The following ASIC2 variants were observed in gnomAD, a reference collection of about 807,000 sequenced individuals.
The protein encoded by ASIC2 is acid sensing ion channel subunit 2.
ASIC2 carries 25 observed loss-of-function variants against 57.3 expected under a neutral mutation model. The ratio of observed to expected loss-of-function variants is 0.44; its 90% confidence interval spans 0.32 to 0.61. ASIC2 has a LOEUF of 0.61. Among genes scored for constraint, ASIC2 ranks in the 20% least tolerant of loss-of-function variants. ASIC2 has a pLI of 0.06. For missense variants in ASIC2, 641 were observed against 738.1 expected, an observed-to-expected ratio of 0.87 and a Z score of 1.52; for synonymous variants, 319 against 307.5, an observed-to-expected ratio of 1.04 and a Z score of -0.39.
At chr17:34,088,932 C>G (rs925486859) in intron 1 of ASIC2, among the ~76,000 whole-genome samples, 1 of 152,168 alleles carries the variant, frequency 6.6e-6, no homozygotes, top group Non-Finnish European at 1.5e-5. Flanking sequence ...TTCCAGGTGC[C>G]GTCTGTCACC....
intron 1 of ASIC2, among the ~76,000 whole-genome samples, chr17:33,136,331 C>A (rs1212249116): frequency 6.6e-6 from 1 of 152,102 alleles, no homozygotes; most frequent in East Asian, 1.9e-4. Flanking sequence ...GTTATACGGT[C>A]CAGAGGTCTA....
chr17:33,113,350 G>A (rs897335574), intron 1 of ASIC2, among the ~76,000 whole-genome samples: 11 of 152,194 alleles, frequency 7.2e-5, no homozygotes, highest in Admixed American at 1.3e-4. Flanking sequence ...AACTGCAAAA[G>A]CTTTCTACAA....
intron 3 of ASIC2, among the ~76,000 whole-genome samples, chr17:33,030,294 G>T (rs1017997627): frequency 6.6e-6 from 1 of 152,028 alleles, no homozygotes; most frequent in Non-Finnish European, 1.5e-5. Context: ...CAACCCTCAG[G>T]CAACCCCCAA....
At chr17:33,441,148 TA>T (rs1408701021) in intron 1 of ASIC2, among the ~76,000 whole-genome samples, 2 of 152,052 alleles carry the variant, frequency 1.3e-5, no homozygotes, top group African/African-American at 2.4e-5. Flanking sequence ...TATTTACTTA[TA>T]TTTTTTTGTA....
chr17:33,138,580 C>A (rs2092375055), intron 1 of ASIC2, among the ~76,000 whole-genome samples: 1 of 152,182 alleles, frequency 6.6e-6, no homozygotes, highest in Non-Finnish European at 1.5e-5. Flanking sequence ...AGGAAATAAT[C>A]CAAGCAACAT....
chr17:33,332,606 C>T (rs778462266), intron 1 of ASIC2, among the ~76,000 whole-genome samples: 64 of 152,050 alleles, frequency 4.2e-4, no homozygotes, highest in Non-Finnish European at 7.2e-4. Context: ...GTCTCAGATT[C>T]ACGGCCAGGC....
upstream of ASIC2, among the ~76,000 whole-genome samples, chr17:33,297,252 GC>G (rs1455820199): frequency 6.6e-6 from 1 of 152,124 alleles, no homozygotes; most frequent in Non-Finnish European, 1.5e-5. Flanking sequence ...CTTGAGATAG[GC>G]TCTTGGGTGT....
intron 2 of ASIC2, among the ~76,000 whole-genome samples, chr17:33,098,549 C>A (rs114762720): frequency 0.013 from 2,011 of 152,222 alleles, 38 homozygotes; most frequent in African/African-American, 0.046. Flanking sequence ...TGGGTGGCAG[C>A]GTGATGCAGC....
chr17:34,105,790 A>C (rs1911026144), intron 1 of ASIC2, among the ~76,000 whole-genome samples: 1 of 152,052 alleles, frequency 6.6e-6, no homozygotes, highest in Non-Finnish European at 1.5e-5. Context: ...ATTTTCTGAA[A>C]CATCTGAAGG....
At chr17:33,732,503 CTTTT>C (rs35048594) in intron 1 of ASIC2, among the ~76,000 whole-genome samples, 2 of 127,292 alleles carry the variant, frequency 1.6e-5, no homozygotes, top group Admixed American at 7.9e-5. Context: ...TAAGGAAATT[CTTTT>C]TTTTTTTTTT....
rs1464057894 is a variant in ASIC2 at position 33,195,395 on chromosome 17, T to C, written c.709-83328A>G. Reference sequence around the variant, plus strand: ...TCTTATTATAAAACAGGGATAATCATATATTAGAGGGTCATTGTCAGGATT... The same window carrying C: ...TCTTATTATAAAACAGGGATAATCACATATTAGAGGGTCATTGTCAGGATT... On this transcript the variant is annotated intron_variant, in intron 1 of 9. Coordinates refer to ENST00000225823, the MANE Select transcript of ASIC2 (RefSeq NM_183377.2). Among the ~76,000 whole-genome samples the C allele has an allele frequency of 5.9e-5, 9 of 152,316 alleles. No homozygotes were observed. The East Asian group carries it at 1.5e-3, about 26-fold the overall frequency.
At chr17:33,333,982 T>G (rs1032265841) in intron 1 of ASIC2, among the ~76,000 whole-genome samples, 4 of 152,202 alleles carry the variant, frequency 2.6e-5, no homozygotes, top group Non-Finnish European at 5.9e-5. Context: ...AACAAACTCT[T>G]TCTTCAGCCT....
intron 1 of ASIC2, among the ~76,000 whole-genome samples, chr17:33,630,926 G>T (rs1906145617): frequency 6.6e-6 from 1 of 152,214 alleles, no homozygotes; most frequent in Admixed American, 6.5e-5. Context: ...GACATGCAAA[G>T]TCCTATCTCA....
chr17:33,592,765 T>A (rs542784674), intron 1 of ASIC2, among the ~76,000 whole-genome samples: 4 of 152,110 alleles, frequency 2.6e-5, no homozygotes, highest in Non-Finnish European at 4.4e-5. Context: ...AGACAGAAGG[T>A]CAAGTAGCAG....
intron 1 of ASIC2, chr17:34,038,098 A>C: frequency 6.2e-7 from 1 of 1,613,120 alleles, no homozygotes. Flanking sequence ...TCGAAAGACC[A>C]AAATCTGTAA....
chr17:33,668,916 G>T (rs775690526), intron 1 of ASIC2, among the ~76,000 whole-genome samples: 1 of 152,132 alleles, frequency 6.6e-6, no homozygotes, highest in Admixed American at 6.5e-5. Flanking sequence ...GTAGAAGAAG[G>T]CTTCTTGGCA....
intron 1 of ASIC2, among the ~76,000 whole-genome samples, chr17:33,438,226 T>C (rs1164033044): frequency 1.3e-5 from 2 of 152,210 alleles, no homozygotes; most frequent in African/African-American, 4.8e-5. Context: ...AGGGTTCAGC[T>C]TCAAGCTTCC....
intron 1 of ASIC2, among the ~76,000 whole-genome samples, chr17:33,807,001 G>T (rs1286988402): frequency 6.6e-6 from 1 of 152,186 alleles, no homozygotes; most frequent in East Asian, 1.9e-4. Context: ...GAAAGACAAA[G>T]CTGGCTGCCT....
At chr17:33,380,741 G>A (rs1909459123) in intron 1 of ASIC2, among the ~76,000 whole-genome samples, 1 of 152,184 alleles carries the variant, frequency 6.6e-6, no homozygotes, top group Admixed American at 6.5e-5. Context: ...ACTGCAGGAG[G>A]CCTGAGTATG....
Sources: gnomAD v4.1 joint callset for allele counts (sites outside exome capture counted in the v4.1 genomes callset) on GRCh38, gnomAD v4.1.1 for gene constraint, MANE v1.5 for transcripts, NCBI Gene and HGNC (gene_info 2026-07-23, HGNC 2026-07-21) for gene names.